SLIT2: variants seen among roughly 807,000 people sequenced by gnomAD.
SLIT2 encodes slit homolog 2 protein.
Under a neutral mutation model 185.7 loss-of-function variants are expected in SLIT2, and 41 were observed. That is an observed-to-expected ratio of 0.22 (90% CI 0.17 to 0.29). The LOEUF is 0.29. Among genes scored for constraint, SLIT2 ranks in the 10% least tolerant of loss-of-function variants. The pLI, the probability that SLIT2 is intolerant of heterozygous loss-of-function variation, is 1.00. For synonymous variants in SLIT2, 693 were observed against 680.2 expected (o/e 1.02, Z -0.29); for missense variants, 1,571 against 1,909.0 (o/e 0.82, Z 3.30).
intron 33 of SLIT2, among the ~76,000 whole-genome samples, chr4:20,598,605 A>G (rs1728164051): frequency 1.3e-5 from 2 of 152,104 alleles, no homozygotes; most frequent in Non-Finnish European, 2.9e-5. Context: ...TGCTATGCAC[A>G]AAGAGGTGAC....
intron 26 of SLIT2, chr4:20,554,271 T>G (rs1369718394): frequency 8.2e-6 from 4 of 490,772 alleles, no homozygotes; most frequent in Non-Finnish European, 1.2e-5. Flanking sequence ...TCAAATGTTT[T>G]GCTTTTGCCC....
chr4:20,268,035 T>G (rs1264601952), intron 3 of SLIT2, among the ~76,000 whole-genome samples: 1 of 151,894 alleles, frequency 6.6e-6, no homozygotes, highest in Non-Finnish European at 1.5e-5. Context: ...ACAGATGGGA[T>G]TGGGATATGA....
At chr4:20,568,826 C>G in intron 28 of SLIT2, 39 bp from the exon 29 acceptor site, 1 of 1,591,722 alleles carries the variant, frequency 6.3e-7, no homozygotes, top group Non-Finnish European at 8.6e-7. Flanking sequence ...TAAAATGCAA[C>G]AAAAAGATGT....
At chr4:20,423,359 A>G (rs1728306655) in intron 4 of SLIT2, among the ~76,000 whole-genome samples, 1 of 150,620 alleles carries the variant, frequency 6.6e-6, no homozygotes, top group African/African-American at 2.5e-5. Flanking sequence ...ATTTTCTGCA[A>G]CATCCCCGAA....
chr4:20,469,381 G>C, intron 5 of SLIT2, among the ~76,000 whole-genome samples: 1 of 152,010 alleles, frequency 6.6e-6, no homozygotes, highest in Non-Finnish European at 1.5e-5. Context: ...TAAAAAAGTG[G>C]CCCTCCTCCC....
At chr4:20,307,231 T>TTCCTTCCTTCCTTCC (rs1717661138) in intron 4 of SLIT2, among the ~76,000 whole-genome samples, 3 of 57,706 alleles carry the variant, frequency 5.2e-5, no homozygotes, top group African/African-American at 7.2e-5. Flanking sequence ...CTCTATTTCT[T>TTCCTTCCTTCCTTCC]TTCCTTCCTT....
chr4:20,611,496 A>G (rs1365257160), intron 34 of SLIT2, among the ~76,000 whole-genome samples: 1 of 152,266 alleles, frequency 6.6e-6, no homozygotes, highest in Non-Finnish European at 1.5e-5. Context: ...GGCATCTTCA[A>G]GTAACTATAA....
chr4:20,264,551 G>A lies in SLIT2; in HGVS notation c.324-4259G>A, dbSNP rs144372347. On this transcript the variant is annotated intron_variant, in intron 3 of 36. Transcript: ENST00000504154. ...GAGGTGAAAGTCGCAAAAAGTAAGAGACTATGACCTCTGCTAAAGGACAAG... is the reference window on the plus strand; with the variant it reads ...GAGGTGAAAGTCGCAAAAAGTAAGAAACTATGACCTCTGCTAAAGGACAAG... Among the ~76,000 whole-genome samples, 598 of 151,974 alleles carry A rather than the reference G, an allele frequency of 3.9e-3. 9 individuals are homozygous for A. The highest frequency in any genetic ancestry group is 0.014 in the African/African-American group (574 of 41,524).
chr4:20,539,130 G>T (rs1474022081), intron 18 of SLIT2, among the ~76,000 whole-genome samples: 1 of 152,100 alleles, frequency 6.6e-6, no homozygotes, highest in South Asian at 2.1e-4. Flanking sequence ...GGTGAATTAG[G>T]ACATTATGCA....
In SLIT2 at chr4:20,529,099, T is replaced by G. The variant is rs1312727087; in HGVS notation, c.1613T>G (p.Leu538Trp). ...PEHIPQYTAE[L>W]RLNNNEFTVL... ...CACATTCCCCAGTACACTGCAGAGT[T>G]GTAAGTTCATCCCCCAACAAAATTC... The change falls in exon 16 of 37, where the codon TTG becomes TGG. Residue 538 changes from leucine to tryptophan, a missense_variant and splice_region_variant. Around this residue, in one of 3 missense-constraint regions of SLIT2, gnomAD observed 1,202 missense variants for 1,416.4 expected, o/e 0.85. Transcript: ENST00000504154. 1 of 1,585,330 alleles carries G rather than the reference T, an allele frequency of 6.3e-7. No individual in the cohort carries two copies. The highest frequency in any genetic ancestry group is 8.6e-7 in the Non-Finnish European group (1 of 1,161,078).
intron 4 of SLIT2, among the ~76,000 whole-genome samples, chr4:20,286,516 A>G (rs1715281287): frequency 6.6e-6 from 1 of 152,052 alleles, no homozygotes; most frequent in South Asian, 2.1e-4. Context: ...AAGTACAGCT[A>G]GGAGGCCAGG....
intron 4 of SLIT2, among the ~76,000 whole-genome samples, chr4:20,447,122 T>G (rs1161695904): frequency 6.6e-6 from 1 of 152,200 alleles, no homozygotes; most frequent in Non-Finnish European, 1.5e-5. Flanking sequence ...GACCATCCTT[T>G]GGATGGAAAA....
intron 4 of SLIT2, among the ~76,000 whole-genome samples, chr4:20,454,467 CG>C (rs1560436722): frequency 1.3e-5 from 2 of 152,034 alleles, no homozygotes; most frequent in African/African-American, 4.8e-5. Flanking sequence ...ACTCATTTAC[CG>C]TCCACATTTA....
chr4:20,531,391 G>A (rs2322557), intron 16 of SLIT2, among the ~76,000 whole-genome samples: 17,456 of 152,178 alleles, frequency 0.11, 1,254 homozygotes, highest in East Asian at 0.33. Context: ...ACATGATTCC[G>A]TTTATGCAAA....
At chr4:20,571,697 A>G (rs894274365) in intron 29 of SLIT2, among the ~76,000 whole-genome samples, 1 of 152,232 alleles carries the variant, frequency 6.6e-6, no homozygotes, top group African/African-American at 2.4e-5. Flanking sequence ...AAGCCCTGCT[A>G]TGCTCAGGGA....
At chr4:20,580,155 G>A (rs1041802780) in intron 29 of SLIT2, among the ~76,000 whole-genome samples, 1 of 149,682 alleles carries the variant, frequency 6.7e-6, no homozygotes, top group Non-Finnish European at 1.5e-5. Context: ...CCGCCTCTCA[G>A]GTTCAAGCGA....
chr4:20,568,437 TTATAAG>T (rs760343826), intron 28 of SLIT2, among the ~76,000 whole-genome samples: 2 of 151,904 alleles, frequency 1.3e-5, no homozygotes, highest in Non-Finnish European at 2.9e-5. Flanking sequence ...ATCAAGGACA[TTATAAG>T]TATGTTAGTA....
At chr4:20,260,196 A>G (rs1180566937) in intron 3 of SLIT2, among the ~76,000 whole-genome samples, 2 of 151,824 alleles carry the variant, frequency 1.3e-5, no homozygotes, top group African/African-American at 2.4e-5. Flanking sequence ...CCTGTGGTAT[A>G]TATCTTTATT....
chr4:20,267,370 T>C (rs1713141593), intron 3 of SLIT2, among the ~76,000 whole-genome samples: 1 of 151,628 alleles, frequency 6.6e-6, no homozygotes, highest in South Asian at 2.1e-4. Flanking sequence ...CTTGGCATAC[T>C]TTTTTTTATT....
Sources: allele counts gnomAD v4.1 joint callset (sites outside exome capture counted in the v4.1 genomes callset), GRCh38; gene constraint gnomAD v4.1.1; regional missense constraint gnomAD v4.1.1; transcripts MANE v1.5; gene names NCBI Gene and HGNC (gene_info 2026-07-23, HGNC 2026-07-21).